Variants in CHODL observed in about 807,000 individuals in gnomAD.
CHODL encodes the protein chondrolectin, also known as transmembrane protein MT75.
CHODL carries 29 observed loss-of-function variants against 34.5 expected under a neutral mutation model. That is an observed-to-expected ratio of 0.84 (90% CI 0.63 to 1.15). CHODL has a LOEUF of 1.15. Ranked by LOEUF, CHODL falls within the 50% of genes most tolerant of loss-of-function variation. The pLI is 0.00. For synonymous variants in CHODL, 125 were observed against 116.1 expected (o/e 1.08, Z -0.49); for missense variants, 332 against 332.5 (o/e 1.00, Z 0.01).
chr21:18,069,362 T>G (rs2064768788), intron 2 of CHODL, among the ~76,000 whole-genome samples: 1 of 152,108 alleles, frequency 6.6e-6, no homozygotes, highest in Non-Finnish European at 1.5e-5. Context: ...ATCATTTTAT[T>G]GCTGTTTTTG....
At chr21:18,249,238 C>G (rs1289650394) in intron 1 of CHODL, among the ~76,000 whole-genome samples, 1 of 148,760 alleles carries the variant, frequency 6.7e-6, no homozygotes, top group Non-Finnish European at 1.5e-5. Context: ...AATTCATATA[C>G]AAGTAGATGG....
intron 5 of CHODL, among the ~76,000 whole-genome samples, chr21:18,265,279 G>GTATA (rs201101374): frequency 1.4e-4 from 19 of 136,754 alleles, no homozygotes; most frequent in African/African-American, 4.9e-4. Flanking sequence ...ATATGTGTGT[G>GTATA]TATATATATA....
chr21:17,984,173 G>A (rs1316465369), intron 1 of CHODL, among the ~76,000 whole-genome samples: 2 of 152,074 alleles, frequency 1.3e-5, no homozygotes, highest in Non-Finnish European at 2.9e-5. Flanking sequence ...TCCGTGACTG[G>A]CTTATTTCAT....
At chr21:18,174,742 A>G (rs548652892) in intron 2 of CHODL, among the ~76,000 whole-genome samples, 114 of 152,346 alleles carry the variant, frequency 7.5e-4, no homozygotes, top group Middle Eastern at 3.4e-3. Flanking sequence ...TCAGGCCTGG[A>G]CAAGGATAAA....
chr21:18,134,203 T>G (rs1049210443), intron 2 of CHODL: 13 of 430,812 alleles, frequency 3.0e-5, no homozygotes, highest in Non-Finnish European at 5.7e-5. Flanking sequence ...AGCACCTTCA[T>G]GATGAGGTTA....
chr21:18,111,052 A>T, intron 2 of CHODL, among the ~76,000 whole-genome samples: 1 of 152,172 alleles, frequency 6.6e-6, no homozygotes, highest in Non-Finnish European at 1.5e-5. Context: ...GGAATATTAG[A>T]GTGTAATATT....
At chr21:18,007,572 C>A (rs2063972388) in intron 1 of CHODL, among the ~76,000 whole-genome samples, 1 of 152,116 alleles carries the variant, frequency 6.6e-6, no homozygotes, top group Admixed American at 6.6e-5. Flanking sequence ...TGAAGAAATA[C>A]AGGCATTTAA....
intron 2 of CHODL, among the ~76,000 whole-genome samples, chr21:18,129,049 A>G (rs2072618214): frequency 6.6e-6 from 1 of 152,054 alleles, no homozygotes. Context: ...TTTTTGAAAT[A>G]TATTTAATTT....
At chr21:18,093,544 A>G (rs1423009612) in intron 2 of CHODL, among the ~76,000 whole-genome samples, 1 of 152,218 alleles carries the variant, frequency 6.6e-6, no homozygotes, top group Admixed American at 6.5e-5. Context: ...ATAAGTAGAC[A>G]GTACAATGAG....
At chr21:18,094,618 ATAAAT>A (rs892059229) in intron 2 of CHODL, among the ~76,000 whole-genome samples, 71 of 152,250 alleles carry the variant, frequency 4.7e-4, no homozygotes, top group Non-Finnish European at 3.2e-4. Flanking sequence ...GGGTCAATGA[ATAAAT>A]TAAGAAGGAA....
At chr21:18,256,909 G>A in intron 2 of CHODL, 61 bp from the exon 3 acceptor site, 1 of 1,587,474 alleles carries the variant, frequency 6.3e-7, no homozygotes, top group Non-Finnish European at 8.6e-7. Context: ...TGTCAGAGTA[G>A]GACAGGCAGA....
intron 2 of CHODL, among the ~76,000 whole-genome samples, chr21:18,099,505 G>T (rs1601001996): frequency 2.6e-5 from 4 of 151,644 alleles, no homozygotes; most frequent in Admixed American, 2.6e-4. Context: ...AAAATAAAAA[G>T]AACTACCTCT....
intron 2 of CHODL, among the ~76,000 whole-genome samples, chr21:18,049,128 G>A (rs1010425618): frequency 3.3e-5 from 5 of 151,908 alleles, no homozygotes; most frequent in African/African-American, 7.2e-5. Flanking sequence ...CAGACACAGT[G>A]TTTAAGCTTC....
intron 2 of CHODL, among the ~76,000 whole-genome samples, chr21:18,104,564 A>G (rs1391846062): frequency 6.6e-6 from 1 of 152,146 alleles, no homozygotes; most frequent in South Asian, 2.1e-4. Flanking sequence ...CATAGAAAAT[A>G]CCCAAGGCTC....
chr21:17,954,018 T>A (rs2849909), intron 1 of CHODL, among the ~76,000 whole-genome samples: 60,399 of 151,476 alleles, frequency 0.4, 12,303 homozygotes, highest in East Asian at 0.64. Context: ...CAAAAAAAAT[T>A]TTTTTAAATA....
chr21:18,176,950 A>G (rs1440237973), intron 2 of CHODL, among the ~76,000 whole-genome samples: 2 of 152,122 alleles, frequency 1.3e-5, no homozygotes, highest in East Asian at 1.9e-4. Flanking sequence ...CATTGCAGAA[A>G]GAAGATAAAA....
intron 2 of CHODL, among the ~76,000 whole-genome samples, chr21:18,194,707 TAAATC>T (rs1479434310): frequency 1.3e-5 from 2 of 152,132 alleles, no homozygotes; most frequent in African/African-American, 2.4e-5. Context: ...TTGAAATAGT[TAAATC>T]AAGCTAATTG....
intron 2 of CHODL, among the ~76,000 whole-genome samples, chr21:18,167,516 A>G (rs9974959): frequency 0.51 from 77,240 of 151,472 alleles, 21,188 homozygotes; most frequent in Middle Eastern, 0.63. Context: ...TCACCGTGTT[A>G]GCCAAGATGG....
At chr21:18,039,315 T>C (rs1225489651) in intron 2 of CHODL, among the ~76,000 whole-genome samples, 1 of 151,760 alleles carries the variant, frequency 6.6e-6, no homozygotes, top group Non-Finnish European at 1.5e-5. Context: ...TAATAGAAAG[T>C]GTTAAGTTTG....
Sources: allele counts gnomAD v4.1 joint callset (sites outside exome capture counted in the v4.1 genomes callset), GRCh38; gene constraint gnomAD v4.1.1; transcripts MANE v1.5; gene names NCBI Gene and HGNC (gene_info 2026-07-23, HGNC 2026-07-21).